The following PPP1R12A variants were observed in gnomAD, a reference collection of about 807,000 sequenced individuals.
PPP1R12A encodes the protein protein phosphatase 1 regulatory subunit 12A, also known as myosin binding subunit.
A neutral mutation model predicts 139.6 loss-of-function variants in PPP1R12A; 19 were observed. The observed-to-expected ratio is 0.14, with a 90% CI of 0.09 to 0.20. PPP1R12A has a LOEUF of 0.20. PPP1R12A is among the 10% of genes least tolerant of loss of function. The pLI, the probability that PPP1R12A is intolerant of heterozygous loss-of-function variation, is 1.00. For missense variants in PPP1R12A, 925 were observed against 1,211.5 expected (o/e 0.76, Z 3.51); for synonymous variants, 427 against 420.6 (o/e 1.02, Z -0.19).
chr12:79,812,720 A>T (rs1203987345), intron 9 of PPP1R12A, among the ~76,000 whole-genome samples: 2 of 152,082 alleles, frequency 1.3e-5, no homozygotes. Context: ...CTATAACTGA[A>T]AACTTGAAAC....
At chr12:79,871,458 T>G (rs960792667) in intron 2 of PPP1R12A, among the ~76,000 whole-genome samples, 1 of 151,792 alleles carries the variant, frequency 6.6e-6, no homozygotes, top group African/African-American at 2.4e-5. Flanking sequence ...GGTCAAAAGT[T>G]AATATGTACT....
chr12:79,848,254 CAAAT>C (rs963620024), intron 2 of PPP1R12A, among the ~76,000 whole-genome samples: 7 of 151,976 alleles, frequency 4.6e-5, no homozygotes, highest in African/African-American at 9.7e-5. Flanking sequence ...TCATATACTA[CAAAT>C]AAATAAATGA....
At chr12:79,803,701 A>G (rs1293701965) in intron 14 of PPP1R12A, among the ~76,000 whole-genome samples, 1 of 152,168 alleles carries the variant, frequency 6.6e-6, no homozygotes, top group Non-Finnish European at 1.5e-5. Context: ...ATCACTGCAA[A>G]CATCATTGAA....
intron 23 of PPP1R12A, chr12:79,779,321 C>T (rs766898394): frequency 2.9e-5 from 37 of 1,288,868 alleles, no homozygotes; most frequent in South Asian, 3.7e-5. Context: ...TAGGTCATAC[C>T]GCCCAGAAGA....
In PPP1R12A at chr12:79,796,801, T is replaced by C; in HGVS notation, c.2442A>G (p.Ile814Met). The C allele has an allele frequency of 6.2e-7, 1 of 1,605,546 alleles. No homozygotes were observed. The highest frequency in any genetic ancestry group is 8.5e-7 in the Non-Finnish European group (1 of 1,176,326). ...VGITSAYSRG[I>M]TKENEREGEK... ...TCTTACCTCTTTCATTTTCTTTTGTTATTCCTCTGGAGTAAGCAGAAGTTA... is the reference window on the plus strand; with the variant it reads ...TCTTACCTCTTTCATTTTCTTTTGTCATTCCTCTGGAGTAAGCAGAAGTTA... The change falls in exon 17 of 25, where the codon ATA becomes ATG. Residue 814 changes from isoleucine (I) to methionine (M), a missense_variant. Ile to Met is a conservative substitution (Grantham distance 10, BLOSUM62 1). This residue lies in a region of PPP1R12A where 315 missense variants were observed against 363.4 expected (regional missense o/e 0.87). Coordinates refer to ENST00000450142, the MANE Select transcript of PPP1R12A (RefSeq NM_002480.3).
chr12:79,881,973 A>T (rs1353648872), intron 1 of PPP1R12A, among the ~76,000 whole-genome samples: 1 of 152,176 alleles, frequency 6.6e-6, no homozygotes, highest in Non-Finnish European at 1.5e-5. Flanking sequence ...TGGTTTACTA[A>T]GTATTTTAAG....
chr12:79,880,656 AGGGT>A lies in PPP1R12A; in HGVS notation c.238-7722_238-7719del, dbSNP rs1883554283. Reference sequence around the variant, plus strand: ...AGCTTATTTAGAGTTTTTAGGAAGAAGGGTGACGTGATCAGATCAGTATTTCAGA... The same window carrying A: ...AGCTTATTTAGAGTTTTTAGGAAGAAGACGTGATCAGATCAGTATTTCAGA... On this transcript the variant is annotated intron_variant, in intron 1 of 24. Coordinates refer to ENST00000450142, the MANE Select transcript of PPP1R12A (RefSeq NM_002480.3). Among the ~76,000 whole-genome samples the A allele has an allele frequency of 5.9e-5, 9 of 152,278 alleles. No individual in the cohort carries two copies. In the South Asian group the frequency reaches 1.9e-3, roughly 32 times the overall value.
In PPP1R12A at chr12:79,827,828, A is replaced by C. The variant is rs151139146; in HGVS notation, c.792+492T>G. 3.6e-3 allele frequency among the ~76,000 whole-genome samples: 547 copies of C among 152,254 alleles called. 12 individuals are homozygous for C. The highest frequency in any genetic ancestry group is 0.027 in the Admixed American group (419 of 15,272). ...CATCTCAATGATCCCCTTTGGCATA[A>C]AACTTTATAGTTATATTTACTGTCA... On this transcript the variant is annotated intron_variant, in intron 5 of 24. Transcript: ENST00000450142.
At chr12:79,904,052 T>C (rs1255278262) in intron 1 of PPP1R12A, among the ~76,000 whole-genome samples, 2 of 151,988 alleles carry the variant, frequency 1.3e-5, no homozygotes, top group African/African-American at 2.4e-5. Context: ...TCGTTTCTAC[T>C]AAAAATATAA....
intron 10 of PPP1R12A, 73 bp from the exon 11 acceptor site, chr12:79,808,650 A>T (rs1874156313): frequency 1.3e-6 from 1 of 795,120 alleles, no homozygotes; most frequent in Admixed American, 2.3e-5. Context: ...AAGTATTAAG[A>T]AAAGGTTATT....
Position 79,809,888 on chromosome 12 carries a change from T to G in PPP1R12A, c.1362A>C (p.Ala454=). 1 of 1,613,666 alleles carries G rather than the reference T, an allele frequency of 6.2e-7. No individual in the cohort carries two copies. The highest frequency in any genetic ancestry group is 8.5e-7 in the Non-Finnish European group (1 of 1,179,738). The change falls in exon 10 of 25, where the codon GCA becomes GCC. Residue 454 remains alanine, a synonymous_variant. Coordinates refer to ENST00000450142, the MANE Select transcript of PPP1R12A (RefSeq NM_002480.3). ...GSYGALAEIT[A]SKEGQKEKDT... The stretch of plus-strand genomic sequence containing the variant: ...CTTTTTCTTTCTGACCCTCTTTAGA[T>G]GCTGTGATTTCAGCAAGTGCACCAT...
At chr12:79,865,450 T>C (rs1881856833) in intron 2 of PPP1R12A, among the ~76,000 whole-genome samples, 1 of 152,172 alleles carries the variant, frequency 6.6e-6, no homozygotes, top group South Asian at 2.1e-4. Flanking sequence ...TTCAACATAG[T>C]ATTGGAAGTT....
At chr12:79,890,455 T>C (rs560917713) in intron 1 of PPP1R12A, among the ~76,000 whole-genome samples, 26 of 152,262 alleles carry the variant, frequency 1.7e-4, no homozygotes, top group African/African-American at 6.3e-4. Flanking sequence ...TTCAGGCCTA[T>C]CTTCTAAATC....
chr12:79,779,366 C>T, intron 23 of PPP1R12A: 1 of 1,288,086 alleles, frequency 7.8e-7, no homozygotes, highest in South Asian at 1.2e-5. Flanking sequence ...CAGATACAAA[C>T]CATTTAAATT....
intron 1 of PPP1R12A, among the ~76,000 whole-genome samples, chr12:79,911,949 T>C (rs1379833406): frequency 6.6e-6 from 1 of 152,214 alleles, no homozygotes. Flanking sequence ...AAAATGAGCT[T>C]ATCAAGGTCT....
intron 1 of PPP1R12A, among the ~76,000 whole-genome samples, chr12:79,909,518 C>A (rs1372240516): frequency 6.6e-6 from 1 of 151,914 alleles, no homozygotes; most frequent in South Asian, 2.1e-4. Flanking sequence ...GAGCAGATCT[C>A]GAGGTCAAGA....
intron 2 of PPP1R12A, among the ~76,000 whole-genome samples, chr12:79,859,203 G>T (rs767432020): frequency 5.3e-5 from 8 of 151,986 alleles, no homozygotes; most frequent in Non-Finnish European, 8.8e-5. Flanking sequence ...TGGGCATGGT[G>T]GCACGTGCCT....
chr12:79,794,544 A>G (rs539226147), intron 18 of PPP1R12A, among the ~76,000 whole-genome samples: 1 of 152,160 alleles, frequency 6.6e-6, no homozygotes, highest in East Asian at 1.9e-4. Flanking sequence ...ATTAAAAAAA[A>G]GTTCAGAAAA....
intron 1 of PPP1R12A, among the ~76,000 whole-genome samples, chr12:79,892,467 G>C (rs1565801356): frequency 1.3e-5 from 2 of 152,186 alleles, no homozygotes; most frequent in East Asian, 3.9e-4. Context: ...TACTTTTGAG[G>C]AGACAGGGCA....
Sources: gnomAD v4.1 joint callset for allele counts (sites outside exome capture counted in the v4.1 genomes callset) on GRCh38, gnomAD v4.1.1 for gene constraint, gnomAD v4.1.1 regional missense constraint, MANE v1.5 for transcripts, NCBI Gene and HGNC (gene_info 2026-07-23, HGNC 2026-07-21) for gene names.